Variants in DIP2C observed in about 807,000 individuals in gnomAD.
DIP2C encodes disco-interacting protein 2 homolog C.
DIP2C carries 33 observed loss-of-function variants against 192.4 expected under a neutral mutation model. The ratio of observed to expected loss-of-function variants is 0.17; its 90% CI spans 0.13 to 0.23. The LOEUF (loss-of-function observed/expected upper bound fraction) is 0.23, where lower values mean the gene tolerates loss of function less well. Among genes scored for constraint, DIP2C ranks in the 10% least tolerant of loss-of-function variants. The probability of loss-of-function intolerance (pLI) is 1.00; values close to 1 mark genes in which losing one functional copy is unlikely to be tolerated. For synonymous variants in DIP2C, 979 were observed against 864.1 expected (o/e 1.13, Z -2.33); for missense variants, 1,537 against 2,110.1 (o/e 0.73, Z 5.32).
intron 1 of DIP2C, among the ~76,000 whole-genome samples, chr10:504,176 T>A (rs1370688967): frequency 6.6e-6 from 1 of 152,194 alleles, no homozygotes; most frequent in Non-Finnish European, 1.5e-5. Flanking sequence ...TATCCCCATC[T>A]CCTTGGGCTG....
intron 2 of DIP2C, among the ~76,000 whole-genome samples, chr10:476,907 G>A (rs1324096597): frequency 1.3e-5 from 2 of 151,892 alleles, no homozygotes; most frequent in Non-Finnish European, 1.5e-5. Context: ...TGGGATCCTG[G>A]AGAAGCAGGC....
chr10:642,284 T>C (rs531810330), intron 1 of DIP2C, among the ~76,000 whole-genome samples: 2 of 152,092 alleles, frequency 1.3e-5, no homozygotes, highest in Admixed American at 1.3e-4. Flanking sequence ...GGAGGGCAGG[T>C]GAAGGATGCT....
At chr10:483,531 G>A (rs1843766351) in intron 2 of DIP2C, among the ~76,000 whole-genome samples, 1 of 152,248 alleles carries the variant, frequency 6.6e-6, no homozygotes, top group Non-Finnish European at 1.5e-5. Flanking sequence ...TGAGTCTGGT[G>A]TCTGGGCCTC....
chr10:441,484 G>C (rs1967726935), intron 3 of DIP2C, among the ~76,000 whole-genome samples: 1 of 152,178 alleles, frequency 6.6e-6, no homozygotes, highest in Non-Finnish European at 1.5e-5. Flanking sequence ...ATATCTCCCA[G>C]AATTCCCATG....
chr10:452,832 G>A (rs1414319406), intron 3 of DIP2C, among the ~76,000 whole-genome samples: 7 of 152,320 alleles, frequency 4.6e-5, no homozygotes, highest in African/African-American at 9.6e-5. Context: ...CAGGTGAGGC[G>A]AGAGAAGAGG....
intron 1 of DIP2C, among the ~76,000 whole-genome samples, chr10:596,784 T>A (rs559938863): frequency 6.6e-6 from 1 of 152,282 alleles, no homozygotes; most frequent in Non-Finnish European, 1.5e-5. Flanking sequence ...ATTGGTGGCA[T>A]CACCTGTGCC....
chr10:580,100 T>C (rs763437915), intron 1 of DIP2C, among the ~76,000 whole-genome samples: 1 of 152,162 alleles, frequency 6.6e-6, no homozygotes, highest in Non-Finnish European at 1.5e-5. Flanking sequence ...TGCACATTTG[T>C]ATGTACATAG....
intron 1 of DIP2C, among the ~76,000 whole-genome samples, chr10:520,492 A>T (rs187218300): frequency 6.6e-6 from 1 of 152,368 alleles, no homozygotes; most frequent in East Asian, 1.9e-4. Flanking sequence ...TTTACATGAG[A>T]TGCACATCCC....
intron 2 of DIP2C, among the ~76,000 whole-genome samples, chr10:475,638 A>C (rs1031936185): frequency 3.9e-5 from 6 of 152,226 alleles, no homozygotes; most frequent in African/African-American, 7.2e-5. Flanking sequence ...AGTTTGCAAC[A>C]AAAGTCTGAA....
At chr10:526,490 G>A (rs527617289) in intron 1 of DIP2C, among the ~76,000 whole-genome samples, 19 of 148,646 alleles carry the variant, frequency 1.3e-4, no homozygotes, top group East Asian at 6.0e-4. Context: ...CTGTGTCACC[G>A]TATCCGCTGT....
At chr10:539,331 C>T (rs1187256651) in intron 1 of DIP2C, among the ~76,000 whole-genome samples, 1 of 152,144 alleles carries the variant, frequency 6.6e-6, no homozygotes, top group African/African-American at 2.4e-5. Context: ...TGTGTTTGTA[C>T]TAAGCATTCA....
chr10:509,109 T>A (rs886397229), intron 1 of DIP2C, among the ~76,000 whole-genome samples: 2 of 152,188 alleles, frequency 1.3e-5, no homozygotes, highest in African/African-American at 4.8e-5. Flanking sequence ...CTAGTGGCAT[T>A]TCCTGGCAAG....
At position 338,493 on chromosome 10, in the gene DIP2C, C is replaced by T. The variant is rs140383550; in HGVS notation, c.3584+2706G>A. ...ACCTTTTCTGTGTTTAAATATGTCT[C>T]GACACACGACCACTTACCATCACGT... On this transcript the variant is annotated intron_variant, in intron 29 of 36. Coordinates refer to ENST00000280886, the MANE Select transcript of DIP2C (RefSeq NM_014974.3). Among the ~76,000 whole-genome samples the T allele has an allele frequency of 3.1e-3, 470 of 151,746 alleles. 2 individuals carry two copies. The highest frequency in any genetic ancestry group is 0.01 in the African/African-American group (428 of 41,320).
At chr10:655,486 C>G (rs538596473) in intron 1 of DIP2C, among the ~76,000 whole-genome samples, 2 of 152,282 alleles carry the variant, frequency 1.3e-5, no homozygotes, top group East Asian at 3.9e-4. Context: ...TACTATTCCA[C>G]ACTACGCTAC....
chr10:590,242 A>AG (rs1392194784), intron 1 of DIP2C, among the ~76,000 whole-genome samples: 1 of 152,258 alleles, frequency 6.6e-6, no homozygotes, highest in Non-Finnish European at 1.5e-5. Flanking sequence ...GGTAGTTATC[A>AG]GGGGACAAGA....
chr10:452,943 G>A (rs931355900), intron 3 of DIP2C, among the ~76,000 whole-genome samples: 1 of 152,222 alleles, frequency 6.6e-6, no homozygotes, highest in African/African-American at 2.4e-5. Flanking sequence ...AGGCCCCAGT[G>A]CGAGGAAGGG....
chr10:540,826 C>A (rs1385833737), intron 1 of DIP2C, among the ~76,000 whole-genome samples: 2 of 152,204 alleles, frequency 1.3e-5, no homozygotes, highest in Non-Finnish European at 1.5e-5. Flanking sequence ...AAGACTAATA[C>A]CCTGTCATCT....
chr10:384,718 C>T (rs1589670058), intron 14 of DIP2C, 79 bp from the exon 15 acceptor site: 19 of 1,421,182 alleles, frequency 1.3e-5, no homozygotes, highest in Non-Finnish European at 1.8e-5. Context: ...GGCATGGACA[C>T]TAGGCCGCAC....
At chr10:505,815 GGGGACCACCTGCCCAGCCATATTTCCTCT>G (rs748624534) in intron 1 of DIP2C, among the ~76,000 whole-genome samples, 22 of 151,956 alleles carry the variant, frequency 1.4e-4, no homozygotes, top group African/African-American at 2.2e-4. Context: ...CACAGGAGAT[GGGGACCACCTGCCCAGCCATATTTCCTCT>G]GGGCGCACCT....
Sources: allele counts gnomAD v4.1 joint callset (sites outside exome capture counted in the v4.1 genomes callset), GRCh38; gene constraint gnomAD v4.1.1; transcripts MANE v1.5; gene names NCBI Gene and HGNC (gene_info 2026-07-23, HGNC 2026-07-21).